MSRA: variants seen among roughly 807,000 people sequenced by gnomAD.
MSRA encodes mitochondrial peptide methionine sulfoxide reductase.
In MSRA, 54 loss-of-function variants were observed where a neutral mutation model predicts 31.3. The ratio of observed to expected loss-of-function variants is 1.73; its 90% CI spans 1.39 to 2.17. The LOEUF (loss-of-function observed/expected upper bound fraction) is 2.17. MSRA is among the 30% of genes most tolerant of loss of function. The pLI, the probability that MSRA is intolerant of heterozygous loss-of-function variation, is 0.00. For missense variants in MSRA, 507 were observed against 300.9 expected (o/e 1.69, Z -5.07); for synonymous variants, 169 against 116.5 (o/e 1.45, Z -2.90).
At chr8:10,056,269 G>T (rs1054127517) in intron 1 of MSRA, among the ~76,000 whole-genome samples, 4 of 148,760 alleles carry the variant, frequency 2.7e-5, no homozygotes. Context: ...ACTGGTTCAA[G>T]GTCAAGATGG....
Position 10,245,086 on chromosome 8 carries a change from T to TC in MSRA, c.212-17dup. 1 of 1,608,868 alleles carries TC rather than the reference T, an allele frequency of 6.2e-7. No individual in the cohort carries two copies. The highest frequency in any genetic ancestry group is 2.2e-5 in the East Asian group (1 of 44,766). On this transcript the variant is annotated splice_polypyrimidine_tract_variant and intron_variant, in intron 2 of 5. Coordinates refer to ENST00000317173, the MANE Select transcript of MSRA (RefSeq NM_012331.5). ...TTGAATAATCAGTATCCTTTTTTTT[T>TC]CTTTTTTCTTTTTTAAGGAATGGGA...
intron 4 of MSRA, among the ~76,000 whole-genome samples, chr8:10,305,201 T>G (rs927088183): frequency 2.0e-5 from 3 of 152,204 alleles, no homozygotes; most frequent in African/African-American, 7.2e-5. Flanking sequence ...TTTGCAAATG[T>G]GGAGATTCTT....
chr8:10,253,862 A>G (rs987954613), intron 3 of MSRA, among the ~76,000 whole-genome samples: 1 of 151,562 alleles, frequency 6.6e-6, no homozygotes, highest in Non-Finnish European at 1.5e-5. Context: ...TTTTTTTTCT[A>G]AGTTACATTA....
At chr8:10,122,620 AT>A (rs939339077) in intron 1 of MSRA, among the ~76,000 whole-genome samples, 7 of 151,542 alleles carry the variant, frequency 4.6e-5, no homozygotes, top group African/African-American at 1.7e-4. Flanking sequence ...TGTACAGATT[AT>A]TTTGTCACCC....
intron 5 of MSRA, among the ~76,000 whole-genome samples, chr8:10,373,937 G>A (rs891230886): frequency 7.2e-5 from 11 of 152,106 alleles, no homozygotes; most frequent in African/African-American, 1.4e-4. Flanking sequence ...ATGGGCTTTC[G>A]GAACCCATGA....
intron 5 of MSRA, among the ~76,000 whole-genome samples, chr8:10,350,779 C>G (rs1190853357): frequency 2.0e-5 from 3 of 152,194 alleles, no homozygotes; most frequent in African/African-American, 7.2e-5. Flanking sequence ...CGACTTACCC[C>G]CGAGGCCTCG....
At chr8:10,193,887 A>T (rs1378423436) in intron 1 of MSRA, among the ~76,000 whole-genome samples, 1 of 152,222 alleles carries the variant, frequency 6.6e-6, no homozygotes, top group East Asian at 1.9e-4. Context: ...TTTAAAAAAA[A>T]TCTACCCACT....
In MSRA at chr8:10,110,220, A is replaced by C. The variant is rs191633730; in HGVS notation, c.142+55562A>C. 6.7e-3 allele frequency among the ~76,000 whole-genome samples: 1,013 copies of C among 151,878 alleles called. 10 individuals carry two copies. Among genetic ancestry groups the C allele is most frequent in the Non-Finnish European group, 0.012 (782 of 67,732 alleles). On this transcript the variant is annotated intron_variant, in intron 1 of 5. Transcript: ENST00000317173. ...ATCTTTGTGAAGCTGGGTTTGAAAC[A>C]AGAAAGGTTTGGACTGTTTCAGTGG... is the stretch of plus-strand genomic sequence containing the variant.
intron 1 of MSRA, among the ~76,000 whole-genome samples, chr8:10,058,348 G>C (rs946370715): frequency 1.3e-5 from 2 of 152,122 alleles, no homozygotes; most frequent in Non-Finnish European, 2.9e-5. Flanking sequence ...CCTGAGAAGA[G>C]GAGATCATAA....
intron 1 of MSRA, among the ~76,000 whole-genome samples, chr8:10,145,599 A>G (rs1014836889): frequency 4.6e-5 from 7 of 152,182 alleles, no homozygotes; most frequent in Admixed American, 6.5e-5. Flanking sequence ...TTTGATGTTT[A>G]TACATTCTGA....
intron 5 of MSRA, among the ~76,000 whole-genome samples, chr8:10,388,063 C>T (rs544452719): frequency 2.0e-5 from 3 of 152,110 alleles, no homozygotes; most frequent in Non-Finnish European, 4.4e-5. Context: ...TAACAAAAGA[C>T]AATTAACAAA....
At position 10,290,562 on chromosome 8, in the gene MSRA, C is replaced by T. The variant is rs76426588; in HGVS notation, c.332-10972C>T. 6.7e-3 allele frequency among the ~76,000 whole-genome samples: 1,022 copies of T among 152,288 alleles called. 11 individuals carry two copies. The highest frequency in any genetic ancestry group is 0.036 in the East Asian group (184 of 5,180). ...GCACCCATGGGGCTTTGTGAGAATG[C>T]ATATGCCAGGCCTGCCCCCAGCTCT... is the stretch of plus-strand genomic sequence containing the variant. On this transcript the variant is annotated intron_variant, in intron 3 of 5. Transcript: ENST00000317173.
chr8:10,055,449 CG>C (rs1171526684), intron 1 of MSRA, among the ~76,000 whole-genome samples: 3 of 152,256 alleles, frequency 2.0e-5, no homozygotes, highest in African/African-American at 7.2e-5. Flanking sequence ...GAGGGCCACA[CG>C]TTAATATTAC....
At chr8:10,392,785 G>A (rs1005365445) in intron 5 of MSRA, among the ~76,000 whole-genome samples, 3 of 147,714 alleles carry the variant, frequency 2.0e-5, no homozygotes, top group African/African-American at 5.0e-5. Context: ...GGTGGCTCAC[G>A]CCTGTAATCC....
At chr8:10,349,375 G>A (rs1427072623) in intron 5 of MSRA, among the ~76,000 whole-genome samples, 1 of 152,016 alleles carries the variant, frequency 6.6e-6, no homozygotes, top group Non-Finnish European at 1.5e-5. Flanking sequence ...TATCATCCTC[G>A]GCCTGCACAC....
chr8:10,091,269 T>C (rs1402459559), intron 1 of MSRA, among the ~76,000 whole-genome samples: 1 of 152,218 alleles, frequency 6.6e-6, no homozygotes, highest in African/African-American at 2.4e-5. Context: ...ATTATTCACA[T>C]TTAAAAAGTG....
chr8:10,337,751 G>C (rs902833026), intron 5 of MSRA: 6 of 702,522 alleles, frequency 8.5e-6, no homozygotes, highest in Non-Finnish European at 1.6e-5. Flanking sequence ...GGGGCTCACT[G>C]CAGCCTCCTC....
intron 5 of MSRA, among the ~76,000 whole-genome samples, chr8:10,354,777 T>C (rs949845495): frequency 6.9e-5 from 10 of 144,644 alleles, no homozygotes; most frequent in East Asian, 2.0e-4. Context: ...TATATATATA[T>C]ACCAGTTATA....
chr8:10,231,083 G>T (rs1003713812), intron 2 of MSRA, among the ~76,000 whole-genome samples: 1 of 152,016 alleles, frequency 6.6e-6, no homozygotes, highest in Non-Finnish European at 1.5e-5. Context: ...ACCGCACCCA[G>T]CCTGTTCTGT....
Sources: gnomAD v4.1 joint callset for allele counts (sites outside exome capture counted in the v4.1 genomes callset) on GRCh38, gnomAD v4.1.1 for gene constraint, MANE v1.5 for transcripts, NCBI Gene and HGNC (gene_info 2026-07-23, HGNC 2026-07-21) for gene names.